Variants in PDZD7 observed in about 807,000 individuals in gnomAD.
PDZD7 encodes the protein PDZ domain-containing protein 7.
PDZD7 carries 72 observed loss-of-function variants against 84.7 expected under a neutral mutation model. That is an observed-to-expected ratio of 0.85 (90% CI 0.70 to 1.03). The LOEUF is 1.03. PDZD7 is among the 50% of genes least tolerant of loss of function. PDZD7 has a pLI of 0.00. For missense variants in PDZD7, 1,490 were observed against 1,412.9 expected (o/e 1.05, Z -0.87); for synonymous variants, 594 against 580.7 (o/e 1.02, Z -0.33).
rs1187930402 is a variant in PDZD7, at chr10:101,010,295, A to C, written c.2594T>G (p.Leu865Arg). 8 of 1,532,158 alleles carry C rather than the reference A, an allele frequency of 5.2e-6. No homozygotes were observed. The Admixed American group carries it at 1.6e-4, about 30-fold the overall frequency. The allele number at this position is 1,532,158 out of a possible 1,614,324, so 94.9% of individuals were successfully genotyped here. The change falls in exon 15 of 17, where the codon CTG becomes CGG. Residue 865 changes from leucine to arginine, a missense_variant. By Grantham distance (102) the Leu-to-Arg change is moderately radical (BLOSUM62 -2). Coordinates refer to ENST00000619208, the MANE Select transcript of PDZD7 (RefSeq NM_001195263.2). ...ACCTAAGGACTGCTTCATCTTGGAC[A>C]GTGTCACTGTCTTCAGCTCGCCACT... ...NPSGELKTVT[L>R]SKMKQSLGIS... is the part of the protein sequence containing the mutation.
At chr10:101,019,541 T>TGCC (rs1564635091) in intron 7 of PDZD7, among the ~76,000 whole-genome samples, 4 of 95,988 alleles carry the variant, frequency 4.2e-5, no homozygotes, top group Admixed American at 2.1e-4. Context: ...CTTCTGCTTC[T>TGCC]GCCTCCTCCT....
chr10:101,008,664 G>T lies in PDZD7; in HGVS notation c.2905C>A (p.Leu969Ile). Residue 969 changes from leucine (L) to isoleucine (I), a missense_variant, in exon 17 of 17, where the codon CTT becomes ATT. Leu to Ile is a conservative substitution (Grantham distance 5, BLOSUM62 2). Transcript: ENST00000619208. ...SDSSALTDGGLPADHLPAHQP... is the reference protein window; with the variant it reads ...SDSSALTDGGIPADHLPAHQP... ...TGGGCAGGCAAGTGGTCAGCAGGAA[G>T]GCCCCCATCAGTAAGGGCTGATGAG... 2 of 1,536,070 alleles carry T rather than the reference G, an allele frequency of 1.3e-6. No homozygotes were observed. Among genetic ancestry groups the T allele is most frequent in the Non-Finnish European group, 1.7e-6 (2 of 1,146,892 alleles).
At chr10:101,012,342 C>T (rs1852425190) in intron 11 of PDZD7, 84 bp from the exon 12 acceptor site, 1 of 1,170,766 alleles carries the variant, frequency 8.5e-7, no homozygotes, top group African/African-American at 1.5e-5. Flanking sequence ...GCAGGTGTTT[C>T]TTCTACGCAT....
At chr10:101,017,838 G>GA (rs1852726470) in intron 9 of PDZD7, 1 of 157,188 alleles carries the variant, frequency 6.4e-6, no homozygotes, top group African/African-American at 5.9e-5. Flanking sequence ...AAGGAAGGAA[G>GA]GAAAGAAAGA....
chr10:101,008,948 A>G (rs1245876948), intron 16 of PDZD7, 98 bp from the exon 17 acceptor site: 47 of 1,375,434 alleles, frequency 3.4e-5, no homozygotes, highest in Non-Finnish European at 4.4e-5. Flanking sequence ...ACCCATGAGG[A>G]CACTCCTCCC....
Position 101,008,263 on chromosome 10 carries a change from A to C in PDZD7, c.*204T>G, listed in dbSNP as rs2133991294. ...TGAGTGCAGGTGACACAGGCTGCCC[A>C]CTAGCACCTTGTCCTTGGACACTAA... On this transcript the variant is annotated 3_prime_UTR_variant, in exon 17 of 17. Coordinates refer to ENST00000619208, the MANE Select transcript of PDZD7 (RefSeq NM_001195263.2). 3 of 614,706 alleles carry C rather than the reference A, an allele frequency of 4.9e-6. No homozygotes were observed. The highest frequency in any genetic ancestry group is 8.3e-6 in the Non-Finnish European group (3 of 363,270). 38.1% of individuals were successfully genotyped at this position (614,706 alleles called of 1,614,324 possible). A position where few individuals can be genotyped will look rare whatever the true frequency, so the allele number is the denominator to read the frequency against.
At chr10:101,020,197 T>A (rs1159085991) in intron 7 of PDZD7, among the ~76,000 whole-genome samples, 1 of 152,130 alleles carries the variant, frequency 6.6e-6, no homozygotes, top group Non-Finnish European at 1.5e-5. Flanking sequence ...AACCTCTGCC[T>A]CCTGGGTTCA....
intron 11 of PDZD7, among the ~76,000 whole-genome samples, chr10:101,013,463 C>T (rs776989029): frequency 1.1e-4 from 16 of 152,160 alleles, no homozygotes; most frequent in Non-Finnish European, 2.2e-4. Flanking sequence ...TCCCAGTGGG[C>T]TTCATGGAGG....
In PDZD7 at chr10:101,018,088, C is replaced by G. The variant is rs1318864019; in HGVS notation, c.1522+11G>C. On this transcript the variant is annotated intron_variant, in intron 9 of 16. Transcript: ENST00000619208. The stretch of plus-strand genomic sequence containing the variant: ...CACTTTGCCTTCCTGTTTGATCAGC[C>G]CACTACTTACCTTTCTCTATGTCCA... 3.7e-6 allele frequency: 6 copies of G among 1,614,142 alleles called. No homozygotes were observed. In the South Asian group the frequency reaches 5.5e-5, roughly 15 times the overall value.
rs760801145 is a variant in PDZD7 at position 101,019,068 on chromosome 10, C to G, written c.1078G>C (p.Gly360Arg). 4.4e-6 allele frequency: 7 copies of G among 1,573,750 alleles called. No individual in the cohort carries two copies. In the South Asian group the frequency reaches 5.7e-5, roughly 13 times the overall value. ...CLGQEEPGSR[G>R]PGWGRADTAM... ...GTGTCCGCCCGCCCCCAGCCTGGGC[C>G]GCGGCTGCCGGGCTCCTCCTGCCCG... is the stretch of plus-strand genomic sequence containing the variant. Residue 360 changes from glycine (G) to arginine (R), a missense_variant, in exon 8 of 17, where the codon GGC (glycine) becomes CGC (arginine). Gly to Arg is a moderately radical substitution (Grantham distance 125, BLOSUM62 -2). Transcript: ENST00000619208.
At chr10:101,009,180 T>A (rs1852311951) in intron 16 of PDZD7, 70 bp downstream of exon 16, 5 of 1,361,616 alleles carry the variant, frequency 3.7e-6, no homozygotes, top group Non-Finnish European at 5.0e-6. Flanking sequence ...AAGCTGAGCA[T>A]GGCCAGCCCC....
chr10:101,008,463 A>C lies in PDZD7; in HGVS notation c.*4T>G. On this transcript the variant is annotated 3_prime_UTR_variant, in exon 17 of 17. Transcript: ENST00000619208. ...AGTGGGTGAATCTGAGGTTAGGGGG[A>C]GGGTCATGGGATGCGTGGGGAGGGT... 6.8e-7 allele frequency: 1 copy of C among 1,474,234 alleles called. No individual in the cohort carries two copies. The highest frequency in any genetic ancestry group is 1.3e-5 in the South Asian group (1 of 76,648). 91.3% of individuals were successfully genotyped at this position (1,474,234 alleles called of 1,614,324 possible). A position where few individuals can be genotyped will look rare whatever the true frequency, so the allele number is the denominator to read the frequency against.
intron 6 of PDZD7, 41 bp downstream of exon 6, chr10:101,021,757 A>G (rs770620623): frequency 1.9e-6 from 3 of 1,613,880 alleles, no homozygotes; most frequent in Non-Finnish European, 2.5e-6. Flanking sequence ...GGAAGCCCCT[A>G]CTCTAGCCTC....
At position 101,010,703 on chromosome 10, in the gene PDZD7, C is replaced by G. The variant is rs1332415010; in HGVS notation, c.2186G>C (p.Arg729Pro). ...CTGGGGAGGGGGTGTGCAGGCAATT[C>G]GGAGGGGGGTGAAGGCATCTACTGG... Reference protein sequence around the residue: ...DVPVDAFTPLRIACTPPPQLP... With the variant: ...DVPVDAFTPLPIACTPPPQLP... Residue 729 changes from arginine (R) to proline (P), a missense_variant, in exon 15 of 17, where the codon CGA becomes CCA. Arg to Pro is a moderately radical substitution (Grantham distance 103, BLOSUM62 -2). Coordinates refer to ENST00000619208, the MANE Select transcript of PDZD7 (RefSeq NM_001195263.2). 2 of 1,480,534 alleles carry G rather than the reference C, an allele frequency of 1.4e-6. No individual in the cohort carries two copies. 91.7% of individuals were successfully genotyped at this position (1,480,534 alleles called of 1,614,324 possible).
Position 101,024,001 on chromosome 10 carries a change from G to A in PDZD7, c.294C>T (p.Gly98=), listed in dbSNP as rs377453816. The A allele has an allele frequency of 1.2e-6, 2 of 1,614,254 alleles. No homozygotes were observed. Among genetic ancestry groups the A allele is most frequent in the African/African-American group, 2.7e-5 (2 of 75,060 alleles). ...GCTCTGAGCCCCCGCGCACGCTGAA[G>A]CCCAGCCTCCCTGCTGGACTCTTCT... is the stretch of plus-strand genomic sequence containing the variant. ...RVEKSPAGRL[G]FSVRGGSEHG... Residue 98 remains glycine (G), a synonymous_variant, in exon 3 of 17, where the codon GGC becomes GGT. Coordinates refer to ENST00000619208, the MANE Select transcript of PDZD7 (RefSeq NM_001195263.2).
rs752695144 is a variant in PDZD7 at position 101,023,258 on chromosome 10, G to T, written c.542+178C>A. ...CTGGGAGAGCAGAGCTATTGGAGGA[G>T]GGCAGGGGAAAGATGCAGCCTCTCC... On this transcript the variant is annotated intron_variant, in intron 4 of 16. Coordinates refer to ENST00000619208, the MANE Select transcript of PDZD7 (RefSeq NM_001195263.2). 6 of 696,722 alleles carry T rather than the reference G, an allele frequency of 8.6e-6. No individual in the cohort carries two copies. In the African/African-American group the frequency reaches 8.8e-5, roughly 10 times the overall value. The allele number at this position is 696,722 out of a possible 1,614,324, so 43.2% of individuals were successfully genotyped here.
At chr10:101,020,516 G>A in intron 7 of PDZD7, 102 bp downstream of exon 7, 6 of 1,112,776 alleles carry the variant, frequency 5.4e-6, no homozygotes, top group Middle Eastern at 2.5e-4. Flanking sequence ...GGGATTACAG[G>A]TGTAAGCCAC....
At chr10:101,020,248 C>G (rs565087807) in intron 7 of PDZD7, among the ~76,000 whole-genome samples, 2 of 152,238 alleles carry the variant, frequency 1.3e-5, no homozygotes, top group South Asian at 2.1e-4. Flanking sequence ...GCTGGGATTA[C>G]AGGCATGGGC....
At chr10:101,025,302 C>CA (rs1299019131) in intron 2 of PDZD7, among the ~76,000 whole-genome samples, 3 of 152,068 alleles carry the variant, frequency 2.0e-5, no homozygotes, top group African/African-American at 7.2e-5. Context: ...TTCGGCCTCC[C>CA]AGGTTTAAGT....
Sources: gnomAD v4.1 joint callset for allele counts (sites outside exome capture counted in the v4.1 genomes callset) on GRCh38, gnomAD v4.1.1 for gene constraint, MANE v1.5 for transcripts, NCBI Gene and HGNC (gene_info 2026-07-23, HGNC 2026-07-21) for gene names.